Variants in ERG observed in about 807,000 individuals in gnomAD.
The protein encoded by ERG is transcriptional regulator ERG.
ERG carries 9 observed loss-of-function variants against 55.3 expected under a neutral mutation model. The ratio of observed to expected loss-of-function variants is 0.16; its 90% confidence interval spans 0.10 to 0.28. ERG has a LOEUF of 0.28. ERG is among the 10% of genes least tolerant of loss of function. The pLI is 1.00. For missense variants in ERG, 434 were observed against 631.6 expected (o/e 0.69, Z 3.35); for synonymous variants, 223 against 237.3 (o/e 0.94, Z 0.55).
intron 8 of ERG, 146 bp from the exon 9 acceptor site, chr21:38,391,188 C>G: frequency 1.4e-6 from 1 of 692,812 alleles, no homozygotes; most frequent in Non-Finnish European, 2.6e-6. Flanking sequence ...CCTCCACCTC[C>G]TCTATGAGAG....
chr21:38,566,904 C>T (rs535411030), intron 2 of ERG, among the ~76,000 whole-genome samples: 3 of 152,292 alleles, frequency 2.0e-5, no homozygotes, highest in African/African-American at 7.2e-5. Flanking sequence ...TAACCAACTC[C>T]TCAGGGAAAC....
At chr21:38,528,838 T>A (rs1440395930) in intron 2 of ERG, among the ~76,000 whole-genome samples, 4 of 152,238 alleles carry the variant, frequency 2.6e-5, no homozygotes, top group Non-Finnish European at 4.4e-5. Context: ...GCCAGTTTTT[T>A]AAGCTTCATT....
chr21:38,389,022 CT>C (rs1430986598), intron 9 of ERG, among the ~76,000 whole-genome samples: 1 of 152,210 alleles, frequency 6.6e-6, no homozygotes, highest in Non-Finnish European at 1.5e-5. Context: ...GTTTGGTCTT[CT>C]TTGGTGCAGC....
rs902454406 is a variant in ERG, at chr21:38,407,650, T to A, written c.389-3941A>T. On this transcript the variant is annotated intron_variant, in intron 3 of 9. Coordinates refer to ENST00000288319, the MANE Select transcript of ERG (RefSeq NM_182918.4). ...TTACAAAAGGTATATATATATTTAA[T>A]GTATATTATATGTATACTATATATC... is the stretch of plus-strand genomic sequence containing the variant. 5.7e-3 allele frequency among the ~76,000 whole-genome samples: 355 copies of A among 62,458 alleles called. 3 individuals carry two copies. The highest frequency in any genetic ancestry group is 9.5e-3 in the Non-Finnish European group (293 of 30,784). The allele number at this position is 62,458 out of a possible 152,430, so 41.0% of individuals were successfully genotyped here.
Position 38,381,239 on chromosome 21 carries a change from A to G in ERG, c.*2164T>C. ...AAAAACAGGCCCTGAAACAGCTATG[A>G]AAAGGGCCAGTTCAGAAACCTATTC... On this transcript the variant is annotated 3_prime_UTR_variant, in exon 10 of 10. Transcript: ENST00000288319. 1 of 1,065,298 alleles carries G rather than the reference A, an allele frequency of 9.4e-7. No individual in the cohort carries two copies. The highest frequency in any genetic ancestry group is 1.1e-6 in the Non-Finnish European group (1 of 879,244). The allele number at this position is 1,065,298 out of a possible 1,614,324, so 66.0% of individuals were successfully genotyped here.
intron 1 of ERG, among the ~76,000 whole-genome samples, chr21:38,619,813 G>A (rs569431267): frequency 6.6e-6 from 1 of 152,286 alleles, no homozygotes; most frequent in African/African-American, 2.4e-5. Flanking sequence ...TTTTATCCTG[G>A]AAGATAATTC....
At chr21:38,532,231 TA>T in intron 2 of ERG, among the ~76,000 whole-genome samples, 1 of 152,204 alleles carries the variant, frequency 6.6e-6, no homozygotes, top group East Asian at 1.9e-4. Context: ...TTCAACAAGA[TA>T]AACTGTTATG....
chr21:38,564,585 C>CT (rs1322912144), intron 2 of ERG, among the ~76,000 whole-genome samples: 9 of 151,318 alleles, frequency 5.9e-5, no homozygotes, highest in South Asian at 2.1e-4. Context: ...TTCTCTCTCT[C>CT]TCTTTTTTTT....
intron 9 of ERG, among the ~76,000 whole-genome samples, chr21:38,387,998 C>G (rs1414603143): frequency 6.6e-6 from 1 of 152,252 alleles, no homozygotes; most frequent in African/African-American, 2.4e-5. Flanking sequence ...ATGCACACCT[C>G]TGTAGCCTCC....
chr21:38,565,101 A>G (rs531112512), intron 2 of ERG, among the ~76,000 whole-genome samples: 57 of 152,306 alleles, frequency 3.7e-4, no homozygotes, highest in African/African-American at 1.2e-3. Flanking sequence ...CAAAATCTTT[A>G]AAGTCATCCT....
rs189146058 is a variant in ERG, at chr21:38,440,484, G to A, written c.236+4920C>T. 1.2e-3 allele frequency among the ~76,000 whole-genome samples: 188 copies of A among 152,242 alleles called. 1 individual carries two copies. Among genetic ancestry groups the A allele is most frequent in the African/African-American group, 4.3e-3 (178 of 41,564 alleles). The stretch of plus-strand genomic sequence containing the variant: ...TCCAAAATAAAGCAGAGTGAATCAC[G>A]CCCATGTTCCCTTTTATGGAGCTGC... On this transcript the variant is annotated intron_variant, in intron 2 of 9. Coordinates refer to ENST00000288319, the MANE Select transcript of ERG (RefSeq NM_182918.4).
At chr21:38,546,728 C>T (rs890929693) in intron 2 of ERG, among the ~76,000 whole-genome samples, 5 of 152,172 alleles carry the variant, frequency 3.3e-5, no homozygotes, top group East Asian at 1.9e-4. Flanking sequence ...ACTCAGAACA[C>T]GCTTGTTAGA....
chr21:38,619,516 C>CA (rs564526343), intron 1 of ERG, among the ~76,000 whole-genome samples: 1 of 152,006 alleles, frequency 6.6e-6, no homozygotes, highest in Non-Finnish European at 1.5e-5. Flanking sequence ...TTAAAGACCC[C>CA]AAAAAAATGG....
Position 38,429,565 on chromosome 21 carries a change from A to G in ERG, c.237-6004T>C, listed in dbSNP as rs1398825799. On this transcript the variant is annotated intron_variant, in intron 2 of 9. Coordinates refer to ENST00000288319, the MANE Select transcript of ERG (RefSeq NM_182918.4). ...TACATATGTGTATATGTACATGTATACACATGTACATATATACATATGTGT... is the reference window on the plus strand; with the variant it reads ...TACATATGTGTATATGTACATGTATGCACATGTACATATATACATATGTGT... Among the ~76,000 whole-genome samples, 13 of 109,812 alleles carry G rather than the reference A, an allele frequency of 1.2e-4. 4 individuals are homozygous for G. The highest frequency in any genetic ancestry group is 1.8e-4 in the Non-Finnish European group (9 of 50,070). The allele number at this position is 109,812 out of a possible 152,430, so 72.0% of individuals were successfully genotyped here. A position where few individuals can be genotyped will look rare whatever the true frequency, so the allele number is the denominator to read the frequency against.
chr21:38,480,347 G>C (rs2059225716), intron 1 of ERG, among the ~76,000 whole-genome samples: 1 of 152,138 alleles, frequency 6.6e-6, no homozygotes, highest in Non-Finnish European at 1.5e-5. Flanking sequence ...CACAGGGCTT[G>C]CAGGCAACCC....
At chr21:38,405,081 C>T (rs1385353072) in intron 3 of ERG, among the ~76,000 whole-genome samples, 1 of 152,160 alleles carries the variant, frequency 6.6e-6, no homozygotes, top group Non-Finnish European at 1.5e-5. Context: ...ATCTACCTTT[C>T]CCATTCCATT....
At chr21:38,391,065 C>A in intron 8 of ERG, 23 bp from the exon 9 acceptor site, 3 of 1,598,356 alleles carry the variant, frequency 1.9e-6, no homozygotes, top group South Asian at 2.2e-5. Flanking sequence ...GAAACAAAGT[C>A]AAATCCTAGA....
chr21:38,509,565 T>G (rs753428739), intron 2 of ERG, among the ~76,000 whole-genome samples: 5 of 152,152 alleles, frequency 3.3e-5, no homozygotes, highest in African/African-American at 4.8e-5. Flanking sequence ...CTTTGCCCCA[T>G]GAGAGTAGAT....
chr21:38,605,435 A>G (rs531692921), intron 1 of ERG, among the ~76,000 whole-genome samples: 23 of 152,296 alleles, frequency 1.5e-4, no homozygotes, highest in African/African-American at 5.1e-4. Context: ...TTGAAATGCT[A>G]GAGAAAATCT....
Sources: allele counts gnomAD v4.1 joint callset (sites outside exome capture counted in the v4.1 genomes callset), GRCh38; gene constraint gnomAD v4.1.1; transcripts MANE v1.5; gene names NCBI Gene and HGNC (gene_info 2026-07-23, HGNC 2026-07-21).